The following CYP2C19 variants were observed in gnomAD, a reference collection of about 807,000 sequenced individuals.
CYP2C19 encodes cytochrome P450 2C19.
CYP2C19 carries 59 observed loss-of-function variants against 40.9 expected under a neutral mutation model. The observed-to-expected ratio is 1.44, with a 90% CI of 1.17 to 1.79. CYP2C19 has a LOEUF of 1.79. Ranked by LOEUF, CYP2C19 falls within the 40% of genes most tolerant of loss-of-function variation. The probability of loss-of-function intolerance (pLI) is 0.00; values close to 1 mark genes in which losing one functional copy is unlikely to be tolerated. For synonymous variants in CYP2C19, 253 were observed against 208.7 expected (o/e 1.21, Z -1.83); for missense variants, 754 against 596.9 (o/e 1.26, Z -2.74).
At chr10:94,818,958 A>G (rs1849064038) in intron 5 of CYP2C19, among the ~76,000 whole-genome samples, 1 of 151,784 alleles carries the variant, frequency 6.6e-6, no homozygotes, top group Non-Finnish European at 1.5e-5. Flanking sequence ...ACCACACCAC[A>G]CCTATTCCAA....
intron 5 of CYP2C19, among the ~76,000 whole-genome samples, chr10:94,811,976 T>A (rs377044106): frequency 1.3e-5 from 2 of 152,306 alleles, no homozygotes; most frequent in African/African-American, 4.8e-5. Context: ...GTTGATGGTC[T>A]TTACAAAATT....
chr10:94,812,031 T>C (rs910565918), intron 5 of CYP2C19, among the ~76,000 whole-genome samples: 2 of 152,194 alleles, frequency 1.3e-5, no homozygotes, highest in Non-Finnish European at 2.9e-5. Context: ...CCTTTCCATA[T>C]TTAGTGTTTC....
intron 1 of CYP2C19, among the ~76,000 whole-genome samples, chr10:94,769,731 T>C (rs1848300773): frequency 6.6e-6 from 1 of 152,096 alleles, no homozygotes; most frequent in South Asian, 2.1e-4. Context: ...TTGCCTTTGA[T>C]AAGGAAAAGT....
chr10:94,810,349 T>C, intron 5 of CYP2C19, among the ~76,000 whole-genome samples: 1 of 152,188 alleles, frequency 6.6e-6, no homozygotes, highest in East Asian at 1.9e-4. Flanking sequence ...ATTTTCTTTT[T>C]TTTTGTTTTA....
chr10:94,828,721 T>A (rs377724821), intron 6 of CYP2C19, among the ~76,000 whole-genome samples: 1 of 151,786 alleles, frequency 6.6e-6, no homozygotes, highest in Non-Finnish European at 1.5e-5. Flanking sequence ...GTTAGCTGGT[T>A]ATTTTGCTCG....
chr10:94,827,212 G>C (rs548256621), intron 6 of CYP2C19, among the ~76,000 whole-genome samples: 44 of 151,872 alleles, frequency 2.9e-4, no homozygotes, highest in Admixed American at 6.6e-4. Context: ...TTTTTCTATT[G>C]ATTGGAATAG....
chr10:94,826,939 G>T (rs535053338), intron 6 of CYP2C19, among the ~76,000 whole-genome samples: 1 of 152,136 alleles, frequency 6.6e-6, no homozygotes, highest in South Asian at 2.1e-4. Context: ...TTTGTCTTTG[G>T]TTCTGTTTAT....
chr10:94,819,088 C>A (rs1425921387), intron 5 of CYP2C19, among the ~76,000 whole-genome samples: 1 of 150,980 alleles, frequency 6.6e-6, no homozygotes, highest in African/African-American at 2.4e-5. Context: ...AAGAATCTCA[C>A]TCAAAACTGC....
rs1848386392 is a variant in CYP2C19 at position 94,774,985 on chromosome 10, T to C, written c.169-73T>C. 4 of 1,479,118 alleles carry C rather than the reference T, an allele frequency of 2.7e-6. No homozygotes were observed. In the Admixed American group the frequency reaches 5.6e-5, roughly 21 times the overall value. The allele number at this position is 1,479,118 out of a possible 1,614,324, so 91.6% of individuals were successfully genotyped here. ...AAAGCATACAAATACAATGAAAATA[T>C]GAATCTAAGTCAGGCTTAGTAAATG... On this transcript the variant is annotated intron_variant, in intron 1 of 8. Transcript: ENST00000371321.
At chr10:94,796,816 G>C (rs1848695582) in intron 5 of CYP2C19, among the ~76,000 whole-genome samples, 1 of 152,124 alleles carries the variant, frequency 6.6e-6, no homozygotes, top group South Asian at 2.1e-4. Flanking sequence ...GTATAAGAAT[G>C]CTTGTGAATT....
At chr10:94,832,350 A>C (rs1426510250) in intron 6 of CYP2C19, among the ~76,000 whole-genome samples, 2 of 152,242 alleles carry the variant, frequency 1.3e-5, no homozygotes, top group African/African-American at 2.4e-5. Context: ...ACATGGTGGC[A>C]GACAGAGATC....
At chr10:94,803,816 CAGATCTCTGTACAGGA>C (rs1199146844) in intron 5 of CYP2C19, among the ~76,000 whole-genome samples, 1 of 152,140 alleles carries the variant, frequency 6.6e-6, no homozygotes, top group Non-Finnish European at 1.5e-5. Flanking sequence ...CCCCTGCGGC[CAGATCTCTGTACAGGA>C]AGGGGAGGGT....
At chr10:94,779,151 A>C (rs1041863186) in intron 3 of CYP2C19, among the ~76,000 whole-genome samples, 4 of 152,004 alleles carry the variant, frequency 2.6e-5, no homozygotes, top group African/African-American at 9.7e-5. Context: ...CATTAGGACA[A>C]ATACCTAATG....
Position 94,762,700 on chromosome 10 carries a change from G to A in CYP2C19, c.-6G>A, listed in dbSNP as rs555087130. The A allele has an allele frequency of 6.2e-7, 1 of 1,612,788 alleles. No homozygotes were observed. The highest frequency in any genetic ancestry group is 2.2e-5 in the East Asian group (1 of 44,856). ...ACGGTTGTCTTAACAAGAGGAGAAGGCTTCAATGGATCCTTTTGTGGTCCT... is the reference window on the plus strand; with the variant it reads ...ACGGTTGTCTTAACAAGAGGAGAAGACTTCAATGGATCCTTTTGTGGTCCT... On this transcript the variant is annotated 5_prime_UTR_variant, in exon 1 of 9. Coordinates refer to ENST00000371321, the MANE Select transcript of CYP2C19 (RefSeq NM_000769.4).
chr10:94,770,486 T>G (rs898462122), intron 1 of CYP2C19, among the ~76,000 whole-genome samples: 2 of 152,122 alleles, frequency 1.3e-5, no homozygotes, highest in Non-Finnish European at 2.9e-5. Context: ...TCAGTTTTCC[T>G]TTTGGGCCTG....
intron 7 of CYP2C19, among the ~76,000 whole-genome samples, chr10:94,848,220 T>G (rs542064381): frequency 1.3e-4 from 20 of 152,322 alleles, no homozygotes; most frequent in African/African-American, 4.6e-4. Flanking sequence ...GGTCTAACAT[T>G]TAAGTCTTTG....
chr10:94,831,003 A>T (rs1849325781), intron 6 of CYP2C19, among the ~76,000 whole-genome samples: 1 of 152,152 alleles, frequency 6.6e-6, no homozygotes, highest in South Asian at 2.1e-4. Context: ...GGTCTTATTC[A>T]TCCCTACTTC....
At chr10:94,811,660 T>C (rs1355089905) in intron 5 of CYP2C19, among the ~76,000 whole-genome samples, 1 of 152,126 alleles carries the variant, frequency 6.6e-6, no homozygotes, top group Non-Finnish European at 1.5e-5. Context: ...TTAATCTTTG[T>C]TGGTTTAAAG....
chr10:94,772,022 C>T (rs1010913255), intron 1 of CYP2C19, among the ~76,000 whole-genome samples: 1 of 152,098 alleles, frequency 6.6e-6, no homozygotes, highest in Non-Finnish European at 1.5e-5. Context: ...TCTCAAAAAC[C>T]TGTTAGAGTC....
Sources: gnomAD v4.1 joint callset for allele counts (sites outside exome capture counted in the v4.1 genomes callset) on GRCh38, gnomAD v4.1.1 for gene constraint, MANE v1.5 for transcripts, NCBI Gene and HGNC (gene_info 2026-07-23, HGNC 2026-07-21) for gene names.